FBXW4: variants seen among roughly 807,000 people sequenced by gnomAD.
The protein encoded by FBXW4 is F-box and WD repeat domain containing 4.
A neutral mutation model predicts 61.8 loss-of-function variants in FBXW4; 40 were observed. The ratio of observed to expected loss-of-function variants is 0.65; its 90% CI spans 0.50 to 0.84. FBXW4 has a LOEUF of 0.84. FBXW4 is among the 40% of genes least tolerant of loss of function. The probability of loss-of-function intolerance (pLI) is 0.00; values close to 1 mark genes in which losing one functional copy is unlikely to be tolerated. For synonymous variants in FBXW4, 311 were observed against 313.8 expected, an observed-to-expected ratio of 0.99 and a Z score of 0.10; for missense variants, 672 against 753.8, an observed-to-expected ratio of 0.89 and a Z score of 1.27.
intron 5 of FBXW4, among the ~76,000 whole-genome samples, chr10:101,641,406 T>C (rs1233518463): frequency 6.6e-6 from 1 of 152,176 alleles, no homozygotes; most frequent in African/African-American, 2.4e-5. Flanking sequence ...TTGACTGTGA[T>C]CTTTCTTTGT....
intron 4 of FBXW4, among the ~76,000 whole-genome samples, chr10:101,669,836 G>A (rs2064341871): frequency 6.6e-6 from 1 of 150,940 alleles, no homozygotes; most frequent in African/African-American, 2.4e-5. Context: ...CTCACTGCAA[G>A]CTCCGCCTCC....
At chr10:101,649,421 G>A (rs1454351396) in intron 5 of FBXW4, among the ~76,000 whole-genome samples, 3 of 151,928 alleles carry the variant, frequency 2.0e-5, no homozygotes, top group Non-Finnish European at 1.5e-5. Flanking sequence ...GGCTTTTTAT[G>A]AGCTGTCCAC....
At chr10:101,628,892 G>C (rs1024545251) in intron 5 of FBXW4, among the ~76,000 whole-genome samples, 39 of 152,102 alleles carry the variant, frequency 2.6e-4, no homozygotes, top group Admixed American at 2.6e-3. Context: ...TTCTCACCCT[G>C]TCCCAGACAT....
At chr10:101,612,150 C>G (rs2063791940) in intron 7 of FBXW4, among the ~76,000 whole-genome samples, 187 bp downstream of exon 7, 2 of 152,244 alleles carry the variant, frequency 1.3e-5, no homozygotes, top group African/African-American at 4.8e-5. Context: ...GGCCTGTTGG[C>G]TATAGCCAAG....
chr10:101,634,385 A>G (rs1198663002), intron 5 of FBXW4, among the ~76,000 whole-genome samples: 1 of 149,004 alleles, frequency 6.7e-6, no homozygotes, highest in Non-Finnish European at 1.5e-5. Flanking sequence ...AATTCAATAC[A>G]GTCCCATCTA....
chr10:101,639,892 G>A (rs1304616485), intron 5 of FBXW4, among the ~76,000 whole-genome samples: 1 of 152,198 alleles, frequency 6.6e-6, no homozygotes, highest in Non-Finnish European at 1.5e-5. Context: ...CTTTTCCCTT[G>A]GATTTCATGA....
intron 6 of FBXW4, among the ~76,000 whole-genome samples, chr10:101,615,564 C>A (rs990239911): frequency 6.6e-6 from 1 of 151,996 alleles, no homozygotes; most frequent in African/African-American, 2.4e-5. Context: ...ACTACCTGGA[C>A]AAGAAGAAGC....
At chr10:101,673,719 T>G in intron 2 of FBXW4, 46 bp from the exon 3 acceptor site, 3 of 1,575,016 alleles carry the variant, frequency 1.9e-6, no homozygotes, top group Non-Finnish European at 2.6e-6. Flanking sequence ...AGATACAGTA[T>G]GAAAACTCAA....
rs1220593863 is a variant in FBXW4, at chr10:101,694,417, G to T, written c.689C>A (p.Ser230Ter). Reference protein sequence around the residue: ...DLLWRRIARASLNSGFTRLGT... With the variant: ...DLLWRRIARA ...GAGCCGCGTGAAGCCGGAGTTGAGCGAGGCCCGGGCTATCCGGCGCCAGAG... is the reference window on the plus strand; with the variant it reads ...GAGCCGCGTGAAGCCGGAGTTGAGCTAGGCCCGGGCTATCCGGCGCCAGAG... Residue 230 changes from serine to a stop codon, truncating the protein, a stop_gained, in exon 1 of 9, where the codon TCG becomes TAG. Coordinates refer to ENST00000331272, the MANE Select transcript of FBXW4 (RefSeq NM_022039.4). LOFTEE classifies it high-confidence loss of function. This position sits in a 1 kb window ranked among gnomAD's most constrained non-coding sequence, Gnocchi z 6.0. The T allele has an allele frequency of 6.6e-7, 1 of 1,512,490 alleles. No homozygotes were observed. The highest frequency in any genetic ancestry group is 1.3e-5 in the South Asian group (1 of 79,928). 93.7% of individuals were successfully genotyped at this position (1,512,490 alleles called of 1,614,324 possible). A position where few individuals can be genotyped will look rare whatever the true frequency, so the allele number is the denominator to read the frequency against.
chr10:101,648,596 C>A (rs541022390), intron 5 of FBXW4, among the ~76,000 whole-genome samples: 1 of 152,122 alleles, frequency 6.6e-6, no homozygotes, highest in African/African-American at 2.4e-5. Flanking sequence ...ACAGAACCAG[C>A]GCCTTGCCTG....
Position 101,673,011 on chromosome 10 carries a change from G to C in FBXW4, c.1044C>G (p.Thr348=). The C allele has an allele frequency of 6.2e-7, 1 of 1,613,916 alleles. No individual in the cohort carries two copies. The highest frequency in any genetic ancestry group is 8.5e-7 in the Non-Finnish European group (1 of 1,179,998). The change falls in exon 4 of 9, where the codon ACC becomes ACG. Residue 348 remains threonine (T), a synonymous_variant. Transcript: ENST00000331272. ...CATGAGCCGAGTACTTGACAGTGAAGGTGCTGTGAATCTTATGAATGCCAA... is the reference window on the plus strand; with the variant it reads ...CATGAGCCGAGTACTTGACAGTGAACGTGCTGTGAATCTTATGAATGCCAA... ...GKIGIHKIHS[T]FTVKYSAHEQ...
intron 6 of FBXW4, 116 bp downstream of exon 6, chr10:101,624,629 T>C: frequency 1.8e-6 from 2 of 1,109,410 alleles, no homozygotes; most frequent in Non-Finnish European, 2.8e-6. Flanking sequence ...GGCCTCCTAC[T>C]AGACCACTTC....
intron 5 of FBXW4, among the ~76,000 whole-genome samples, chr10:101,631,629 CT>C (rs11286397): frequency 0.29 from 40,731 of 138,508 alleles, 4,756 homozygotes; most frequent in Non-Finnish European, 0.31. Context: ...ACATTATTTA[CT>C]TTTTTTTTTT....
At chr10:101,634,577 T>A (rs2063985153) in intron 5 of FBXW4, among the ~76,000 whole-genome samples, 1 of 148,872 alleles carries the variant, frequency 6.7e-6, no homozygotes, top group Admixed American at 6.7e-5. Flanking sequence ...GAATAACGAA[T>A]CCAAAGCCAC....
At chr10:101,635,854 AAAAG>A (rs2063996780) in intron 5 of FBXW4, among the ~76,000 whole-genome samples, 1 of 151,500 alleles carries the variant, frequency 6.6e-6, no homozygotes, top group Non-Finnish European at 1.5e-5. Flanking sequence ...AAAAAAAAAA[AAAAG>A]AGAGATGGAG....
chr10:101,661,989 A>G (rs544756986), intron 5 of FBXW4, among the ~76,000 whole-genome samples: 7 of 152,308 alleles, frequency 4.6e-5, no homozygotes, highest in African/African-American at 1.7e-4. Flanking sequence ...ACTCAGAGGC[A>G]CAATCTTTAC....
Position 101,694,265 on chromosome 10 carries a change from G to A in FBXW4, c.725+116C>T. ...GGGTGTAGGCGGAGGTCAGGTGTAGGCCTAGAAACTCGGGGTGCGACACGA... is the reference window on the plus strand; with the variant it reads ...GGGTGTAGGCGGAGGTCAGGTGTAGACCTAGAAACTCGGGGTGCGACACGA... On this transcript the variant is annotated intron_variant, in intron 1 of 8. Coordinates refer to ENST00000331272, the MANE Select transcript of FBXW4 (RefSeq NM_022039.4). This position sits in a 1 kb window ranked among gnomAD's most constrained non-coding sequence, Gnocchi z 6.0. The A allele has an allele frequency of 1.0e-6, 1 of 994,124 alleles. No homozygotes were observed. The highest frequency in any genetic ancestry group is 3.5e-4 in the Middle Eastern group (1 of 2,866). The allele number at this position is 994,124 out of a possible 1,614,324, so 61.6% of individuals were successfully genotyped here.
At chr10:101,635,824 G>A (rs1291960781) in intron 5 of FBXW4, among the ~76,000 whole-genome samples, 2 of 146,782 alleles carry the variant, frequency 1.4e-5, no homozygotes, top group African/African-American at 5.1e-5. Context: ...CTGGGCAACA[G>A]AGCAAGACCC....
chr10:101,634,544 T>C (rs552016663), intron 5 of FBXW4, among the ~76,000 whole-genome samples: 3 of 149,342 alleles, frequency 2.0e-5, no homozygotes, highest in Admixed American at 2.0e-4. Context: ...CATGCTGAAA[T>C]AGGTGAATAG....
Sources: allele counts gnomAD v4.1 joint callset (sites outside exome capture counted in the v4.1 genomes callset), GRCh38; gene constraint gnomAD v4.1.1; non-coding constraint Gnocchi (gnomAD v3.1); transcripts MANE v1.5; gene names NCBI Gene and HGNC (gene_info 2026-07-23, HGNC 2026-07-21).